STRIP1: variants seen among roughly 807,000 people sequenced by gnomAD.
STRIP1 encodes the protein striatin-interacting protein 1.
STRIP1 carries 63 observed loss-of-function variants against 106.2 expected under a neutral mutation model. The ratio of observed to expected loss-of-function variants is 0.59; its 90% CI spans 0.48 to 0.73. The LOEUF (loss-of-function observed/expected upper bound fraction) is 0.73, where lower values mean the gene tolerates loss of function less well. STRIP1 is among the 30% of genes least tolerant of loss of function. The probability of loss-of-function intolerance (pLI) is 0.00; values close to 1 mark genes in which losing one functional copy is unlikely to be tolerated. For missense variants in STRIP1, 857 were observed against 1,074.8 expected (o/e 0.80, Z 2.83); for synonymous variants, 390 against 413.0 (o/e 0.94, Z 0.67).
intron 5 of STRIP1, 23 bp downstream of exon 5, chr1:110,039,538 G>C: frequency 6.3e-7 from 1 of 1,584,920 alleles, no homozygotes; most frequent in Non-Finnish European, 8.6e-7. Context: ...GAGAGGCTGA[G>C]TAGGGAAGGG....
intron 18 of STRIP1, 97 bp from the exon 19 acceptor site, chr1:110,050,859 A>G: frequency 1.4e-6 from 1 of 732,914 alleles, no homozygotes; most frequent in Non-Finnish European, 2.5e-6. Flanking sequence ...AGAGGCCTGG[A>G]GACCCGGCTG....
intron 1 of STRIP1, among the ~76,000 whole-genome samples, chr1:110,036,728 T>C (rs191815584): frequency 2.2e-3 from 341 of 152,354 alleles, no homozygotes; most frequent in Admixed American, 2.7e-3. Flanking sequence ...TGCCATTCAA[T>C]GAATGAAGAA....
chr1:110,040,573 GT>G, intron 5 of STRIP1, 61 bp from the exon 6 acceptor site: 1 of 1,509,752 alleles, frequency 6.6e-7, no homozygotes, highest in Non-Finnish European at 9.0e-7. Flanking sequence ...GTCAGTACTT[GT>G]CAGGGACATC....
At chr1:110,045,187 G>A in intron 12 of STRIP1, 109 bp downstream of exon 12, 1 of 964,304 alleles carries the variant, frequency 1.0e-6, no homozygotes. Flanking sequence ...CAAGAACCTG[G>A]GGTAGAGGCC....
At chr1:110,043,031 CAG>C in intron 8 of STRIP1, 55 bp from the exon 9 acceptor site, 3 of 1,510,548 alleles carry the variant, frequency 2.0e-6, no homozygotes, top group Non-Finnish European at 2.7e-6. Context: ...ACACAATGGT[CAG>C]GGGCCAGCCT....
chr1:110,035,589 C>T (rs1228097111), intron 1 of STRIP1, among the ~76,000 whole-genome samples: 2 of 152,128 alleles, frequency 1.3e-5, no homozygotes, highest in African/African-American at 4.8e-5. Flanking sequence ...TTAAGGAATT[C>T]CTCCCACTGC....
chr1:110,043,504 T>C (rs1652873935), intron 9 of STRIP1, 135 bp from the exon 10 acceptor site: 2 of 906,206 alleles, frequency 2.2e-6, no homozygotes, highest in African/African-American at 3.4e-5. Flanking sequence ...TTGGCCCCCG[T>C]CTTGACTCCC....
chr1:110,037,020 A>G (rs1254573799), intron 1 of STRIP1, among the ~76,000 whole-genome samples: 1 of 152,064 alleles, frequency 6.6e-6, no homozygotes, highest in Non-Finnish European at 1.5e-5. Context: ...TTTTTATTAG[A>G]GACGGGGTTT....
At chr1:110,038,539 T>G in intron 2 of STRIP1, 144 bp from the exon 3 acceptor site, 1 of 634,760 alleles carries the variant, frequency 1.6e-6, no homozygotes. Flanking sequence ...ATCCCCTTCA[T>G]AATTAGAGAG....
intron 3 of STRIP1, 110 bp downstream of exon 3, chr1:110,038,867 C>T: frequency 1.0e-6 from 1 of 989,294 alleles, no homozygotes; most frequent in Non-Finnish European, 1.5e-6. Flanking sequence ...CCTGAGAAGC[C>T]TGCTGAACCC....
chr1:110,048,489 C>T (rs1156656468), intron 15 of STRIP1, among the ~76,000 whole-genome samples: 3 of 152,200 alleles, frequency 2.0e-5, no homozygotes, highest in African/African-American at 7.2e-5. Context: ...GCTGTGGCCC[C>T]GGAGTATGGC....
intron 8 of STRIP1, 57 bp downstream of exon 8, chr1:110,041,918 G>C: frequency 6.5e-7 from 1 of 1,534,634 alleles, no homozygotes; most frequent in Non-Finnish European, 8.9e-7. Context: ...TAGGGAGACT[G>C]TTCCTTGAAT....
intron 13 of STRIP1, among the ~76,000 whole-genome samples, chr1:110,047,037 G>C (rs1001322279): frequency 2.6e-5 from 4 of 152,030 alleles, no homozygotes; most frequent in Admixed American, 2.6e-4. Flanking sequence ...GCGACAGAGC[G>C]AGACCATCTC....
intron 9 of STRIP1, 64 bp downstream of exon 9, chr1:110,043,334 A>G: frequency 2.7e-6 from 4 of 1,499,040 alleles, no homozygotes; most frequent in Non-Finnish European, 2.7e-6. Flanking sequence ...GCAGCAGCAC[A>G]GTCCTTGGAG....
chr1:110,050,085 G>C, intron 17 of STRIP1: 1 of 494,814 alleles, frequency 2.0e-6, no homozygotes, highest in South Asian at 2.3e-5. Context: ...GATTGCTGTG[G>C]GGGAAGCTGT....
chr1:110,032,173 C>T (rs756527725), upstream of STRIP1, among the ~76,000 whole-genome samples: 5 of 152,134 alleles, frequency 3.3e-5, no homozygotes, highest in Non-Finnish European at 7.3e-5. Context: ...GAATCTATTA[C>T]TAGAAGTGGA....
chr1:110,040,247 A>T (rs1465357472), intron 5 of STRIP1, among the ~76,000 whole-genome samples: 1 of 152,020 alleles, frequency 6.6e-6, no homozygotes, highest in Admixed American at 6.6e-5. Context: ...TATGGCGTGA[A>T]CTTGGCTCAT....
At chr1:110,043,599 C>T in intron 9 of STRIP1, 40 bp from the exon 10 acceptor site, 1 of 1,566,336 alleles carries the variant, frequency 6.4e-7, no homozygotes, top group Non-Finnish European at 8.8e-7. Context: ...GGTCTGCGTC[C>T]TCAGTTGGCT....
chr1:110,042,059 T>C (rs543761055), intron 8 of STRIP1, among the ~76,000 whole-genome samples, 198 bp downstream of exon 8: 1 of 152,334 alleles, frequency 6.6e-6, no homozygotes, highest in East Asian at 1.9e-4. Context: ...GACATAGGCC[T>C]TGAGTCAGAG....
Sources: allele counts gnomAD v4.1 joint callset (sites outside exome capture counted in the v4.1 genomes callset), GRCh38; gene constraint gnomAD v4.1.1; transcripts MANE v1.5; gene names NCBI Gene and HGNC (gene_info 2026-07-23, HGNC 2026-07-21).